The following HEATR4 variants were observed in gnomAD, a reference collection of about 807,000 sequenced individuals.
HEATR4 encodes the protein HEAT repeat-containing protein 4.
In HEATR4, 95 loss-of-function variants were observed where a neutral mutation model predicts 108.8. The observed-to-expected ratio is 0.87, with a 90% CI of 0.74 to 1.04. The LOEUF is 1.04. Among genes scored for constraint, HEATR4 ranks in the 50% least tolerant of loss-of-function variants. The probability of loss-of-function intolerance (pLI) is 0.00; values close to 1 mark genes in which losing one functional copy is unlikely to be tolerated. For synonymous variants in HEATR4, 443 were observed against 459.4 expected (o/e 0.96, Z 0.46); for missense variants, 1,152 against 1,253.8 (o/e 0.92, Z 1.23).
At chr14:73,545,150 G>A (rs1392868813) in intron 1 of HEATR4, among the ~76,000 whole-genome samples, 2 of 103,960 alleles carry the variant, frequency 1.9e-5, no homozygotes, top group African/African-American at 6.2e-5. Context: ...CCTCAACCTC[G>A]TAGGTTTAAG....
At chr14:73,502,339 A>G (rs370955485) in intron 11 of HEATR4, among the ~76,000 whole-genome samples, 44 of 152,154 alleles carry the variant, frequency 2.9e-4, no homozygotes, top group Middle Eastern at 3.4e-3. Flanking sequence ...AGGTGTTTGT[A>G]TATTTTGCAT....
intron 10 of HEATR4, among the ~76,000 whole-genome samples, chr14:73,504,409 AT>A (rs1241899417): frequency 6.6e-6 from 1 of 151,554 alleles, no homozygotes; most frequent in African/African-American, 2.4e-5. Context: ...CACCCGCCTA[AT>A]TTTTTTTATT....
chr14:73,525,953 TA>T lies in HEATR4; in HGVS notation c.-72-2730del, dbSNP rs59834256. On this transcript the variant is annotated intron_variant, in intron 2 of 17. Transcript: ENST00000553558. Reference sequence around the variant, plus strand: ...GGGTGACAGAGTGAGACTCCTTATTTAAAAAAAAAAAAAAAGCATCTTCATA... The same window carrying T: ...GGGTGACAGAGTGAGACTCCTTATTTAAAAAAAAAAAAAAGCATCTTCATA... 1.4e-3 allele frequency among the ~76,000 whole-genome samples: 203 copies of T among 144,636 alleles called. 1 individual carries two copies. Among genetic ancestry groups the T allele is most frequent in the South Asian group, 7.1e-3 (32 of 4,510 alleles). The allele number at this position is 144,636 out of a possible 152,430, so 94.9% of individuals were successfully genotyped here.
the HEATR4 span, among the ~76,000 whole-genome samples, chr14:73,586,932 T>G: frequency 6.6e-6 from 1 of 152,090 alleles, no homozygotes; most frequent in African/African-American, 2.4e-5. Context: ...TTCAAACTTC[T>G]GGTCTCAAGC....
upstream of HEATR4, among the ~76,000 whole-genome samples, chr14:73,563,813 AT>A (rs1467791119): frequency 1.3e-5 from 2 of 151,876 alleles, no homozygotes; most frequent in East Asian, 1.9e-4. Context: ...AAAAAAATAA[AT>A]AAATAAATGG....
chr14:73,497,398 C>A (rs1388630336), intron 14 of HEATR4, among the ~76,000 whole-genome samples: 1 of 152,092 alleles, frequency 6.6e-6, no homozygotes, highest in Non-Finnish European at 1.5e-5. Flanking sequence ...TTATGACAGG[C>A]GCTAAACATG....
the HEATR4 span, chr14:73,612,884 G>T: frequency 7.2e-7 from 1 of 1,393,772 alleles, no homozygotes. Context: ...CTTCGCCGTG[G>T]AGCTGGAAGT....
At chr14:73,612,201 C>T in the HEATR4 span, among the ~76,000 whole-genome samples, 1 of 152,138 alleles carries the variant, frequency 6.6e-6, no homozygotes, top group Non-Finnish European at 1.5e-5. Context: ...GCCACCACAC[C>T]TGGCTATTTT....
At chr14:73,607,213 C>T in the HEATR4 span, among the ~76,000 whole-genome samples, 10 of 152,070 alleles carry the variant, frequency 6.6e-5, no homozygotes, top group African/African-American at 2.2e-4. Context: ...GGGAGGCTGA[C>T]GCAGGAGAAT....
chr14:73,506,374 GA>G, intron 10 of HEATR4, 92 bp downstream of exon 10: 2 of 811,798 alleles, frequency 2.5e-6, no homozygotes, highest in Non-Finnish European at 4.2e-6. Context: ...TGTTTGGTAA[GA>G]ATGGAATAAT....
the HEATR4 span, chr14:73,592,518 A>G: frequency 1.5e-6 from 2 of 1,330,006 alleles, no homozygotes; most frequent in South Asian, 3.1e-5. Flanking sequence ...GCAAGATCAG[A>G]GAAGCTAACA....
chr14:73,629,892 C>T, the HEATR4 span, among the ~76,000 whole-genome samples: 1 of 151,886 alleles, frequency 6.6e-6, no homozygotes, highest in Non-Finnish European at 1.5e-5. Context: ...TGAGATCCGC[C>T]CTCCTCGGCC....
the HEATR4 span, among the ~76,000 whole-genome samples, chr14:73,625,203 G>T: frequency 6.6e-6 from 1 of 150,894 alleles, no homozygotes; most frequent in Non-Finnish European, 1.5e-5. Flanking sequence ...GGACTTACAG[G>T]TGTGCACCAC....
intron 5 of HEATR4, among the ~76,000 whole-genome samples, chr14:73,518,630 G>A (rs1887778963): frequency 6.6e-6 from 1 of 152,154 alleles, no homozygotes. Context: ...TGGGTGGGCT[G>A]AGTGTGGAGT....
chr14:73,594,972 T>G, the HEATR4 span: 1 of 1,550,226 alleles, frequency 6.5e-7, no homozygotes. Context: ...CGCAGAGTGT[T>G]GGGATTACAG....
rs775113615 is a variant in HEATR4 at position 73,499,052 on chromosome 14, G to A, written c.2356+19C>T. On this transcript the variant is annotated intron_variant, in intron 13 of 17. Coordinates refer to ENST00000553558, the MANE Select transcript of HEATR4 (RefSeq NM_001220484.1). Reference sequence around the variant, plus strand: ...AGGTATTTAAGGTTGAAGAGTTTGGGGCACTACTTCTATAATACCTCGAAT... The same window carrying A: ...AGGTATTTAAGGTTGAAGAGTTTGGAGCACTACTTCTATAATACCTCGAAT... 3.7e-6 allele frequency: 6 copies of A among 1,607,196 alleles called. No homozygotes were observed. Among genetic ancestry groups the A allele is most frequent in the Middle Eastern group, 1.6e-4 (1 of 6,074 alleles).
At chr14:73,612,632 A>G in the HEATR4 span, 16 of 1,406,874 alleles carry the variant, frequency 1.1e-5, no homozygotes, top group Non-Finnish European at 1.5e-5. Flanking sequence ...GCCGCTGCGC[A>G]TCGCAGTGCG....
At chr14:73,570,084 C>T in the HEATR4 span, among the ~76,000 whole-genome samples, 11 of 151,038 alleles carry the variant, frequency 7.3e-5, no homozygotes, top group African/African-American at 2.7e-4. Flanking sequence ...TGAGCCACCG[C>T]GCCCGGCACT....
the HEATR4 span, among the ~76,000 whole-genome samples, chr14:73,598,345 A>C: frequency 6.7e-6 from 1 of 150,080 alleles, no homozygotes; most frequent in African/African-American, 2.5e-5. Flanking sequence ...AGCCGAGATC[A>C]TGCCACTGCA....
Sources: gnomAD v4.1 joint callset for allele counts (sites outside exome capture counted in the v4.1 genomes callset) on GRCh38, gnomAD v4.1.1 for gene constraint, MANE v1.5 for transcripts, NCBI Gene and HGNC (gene_info 2026-07-23, HGNC 2026-07-21) for gene names.